EFL1: variants seen among roughly 807,000 people sequenced by gnomAD.
EFL1 encodes the protein elongation factor-like GTPase 1.
EFL1 carries 76 observed loss-of-function variants against 126.7 expected under a neutral mutation model. That is an observed-to-expected ratio of 0.60 (90% CI 0.50 to 0.73). The LOEUF is 0.73. Ranked by LOEUF, EFL1 falls within the 30% of genes least tolerant of loss-of-function variation. The pLI, the probability that EFL1 is intolerant of heterozygous loss-of-function variation, is 0.00. For synonymous variants in EFL1, 410 were observed against 448.4 expected, an observed-to-expected ratio of 0.91 and a Z score of 1.08; for missense variants, 1,128 against 1,343.2, an observed-to-expected ratio of 0.84 and a Z score of 2.50.
At chr15:82,132,236 G>A (rs750557481) in intron 19 of EFL1, among the ~76,000 whole-genome samples, 70 of 152,254 alleles carry the variant, frequency 4.6e-4, no homozygotes, top group Non-Finnish European at 8.2e-4. Context: ...TGCTGAGGCA[G>A]GTACAGAGAA....
At chr15:82,179,845 T>C (rs572478774) in intron 15 of EFL1, among the ~76,000 whole-genome samples, 133 of 149,916 alleles carry the variant, frequency 8.9e-4, no homozygotes, top group Non-Finnish European at 1.7e-3. Flanking sequence ...GACATCAAGG[T>C]GGAGAGGGTG....
Position 82,219,620 on chromosome 15 carries a change from C to T in EFL1, c.1611+32G>A, listed in dbSNP as rs148734650. 107 of 1,577,386 alleles carry T rather than the reference C, an allele frequency of 6.8e-5. No homozygotes were observed. The African/African-American group carries it at 1.1e-3, about 16-fold the overall frequency. Reference sequence around the variant, plus strand: ...GAAAAGATATCAGACCCTCGAGAAACAATATATAAATATTTTACTTTCAAT... The same window carrying T: ...GAAAAGATATCAGACCCTCGAGAAATAATATATAAATATTTTACTTTCAAT... On this transcript the variant is annotated intron_variant, in intron 14 of 19. Transcript: ENST00000268206.
chr15:82,136,849 G>A (rs2073727517), intron 19 of EFL1, among the ~76,000 whole-genome samples: 1 of 152,088 alleles, frequency 6.6e-6, no homozygotes, highest in South Asian at 2.1e-4. Flanking sequence ...TATCGCATCA[G>A]ATATAAGCCA....
intron 4 of EFL1, among the ~76,000 whole-genome samples, chr15:82,250,725 T>C (rs796616210): frequency 3.3e-5 from 5 of 152,266 alleles, no homozygotes; most frequent in Middle Eastern, 3.4e-3. Flanking sequence ...AAACTTTTAC[T>C]GATACGGTCT....
At chr15:82,212,321 C>T (rs2074598950) in intron 15 of EFL1, among the ~76,000 whole-genome samples, 1 of 152,144 alleles carries the variant, frequency 6.6e-6, no homozygotes, top group Admixed American at 6.5e-5. Context: ...TTAAAAGTGG[C>T]TGTTCTATTT....
chr15:82,186,791 ATC>A (rs1172297492), intron 15 of EFL1, among the ~76,000 whole-genome samples: 1 of 151,936 alleles, frequency 6.6e-6, no homozygotes, highest in African/African-American at 2.4e-5. Flanking sequence ...TTGTTCCTGT[ATC>A]TGTTTCTAGT....
At chr15:82,142,077 C>G (rs1033177624) in intron 18 of EFL1, among the ~76,000 whole-genome samples, 1 of 152,208 alleles carries the variant, frequency 6.6e-6, no homozygotes, top group Non-Finnish European at 1.5e-5. Context: ...GTGCCATTGT[C>G]ATCACTGAGA....
intron 3 of EFL1, among the ~76,000 whole-genome samples, chr15:82,257,026 A>T (rs1209922494): frequency 6.6e-6 from 1 of 152,152 alleles, no homozygotes; most frequent in Non-Finnish European, 1.5e-5. Context: ...TATATTTTGA[A>T]ATGGTTTAAG....
At position 82,197,921 on chromosome 15, in the gene EFL1, T is replaced by C. The variant is rs961929653; in HGVS notation, c.1750+16796A>G. On this transcript the variant is annotated intron_variant, in intron 15 of 19. Transcript: ENST00000268206. ...CCTGCCAACCTGCCTGCCTGCCATGTGTAAGACTCTGGGCTAGGCAGGGGG... is the reference window on the plus strand; with the variant it reads ...CCTGCCAACCTGCCTGCCTGCCATGCGTAAGACTCTGGGCTAGGCAGGGGG... Among the ~76,000 whole-genome samples, 5 of 152,170 alleles carry C rather than the reference T, an allele frequency of 3.3e-5. No homozygotes were observed. In the South Asian group the frequency reaches 6.2e-4, roughly 19 times the overall value.
intron 18 of EFL1, among the ~76,000 whole-genome samples, chr15:82,145,949 C>CA (rs903649830): frequency 1.8e-3 from 250 of 136,620 alleles, no homozygotes; most frequent in Middle Eastern, 7.6e-3. Context: ...AAATGAAGAG[C>CA]AAAAAAAAAA....
intron 3 of EFL1, among the ~76,000 whole-genome samples, chr15:82,255,878 A>G (rs1467767631): frequency 6.6e-6 from 1 of 152,170 alleles, no homozygotes; most frequent in Non-Finnish European, 1.5e-5. Context: ...ATGTATTTCC[A>G]TATCTTACTC....
In EFL1 at chr15:82,170,096, C is replaced by T. The variant is rs930099114; in HGVS notation, c.1751-6112G>A. On this transcript the variant is annotated intron_variant, in intron 15 of 19. Coordinates refer to ENST00000268206, the MANE Select transcript of EFL1 (RefSeq NM_024580.6). ...GAGTGATGAGGTGTGGAAATGGCACCACTGGATGTCTTTTTTTTTTTTTTT... is the reference window on the plus strand; with the variant it reads ...GAGTGATGAGGTGTGGAAATGGCACTACTGGATGTCTTTTTTTTTTTTTTT... Among the ~76,000 whole-genome samples the T allele has an allele frequency of 8.1e-5, 12 of 148,802 alleles. No individual in the cohort carries two copies. The South Asian group carries it at 1.1e-3, about 13-fold the overall frequency.
chr15:82,260,285 T>C (rs948617457), intron 2 of EFL1, among the ~76,000 whole-genome samples: 15 of 152,010 alleles, frequency 9.9e-5, no homozygotes, highest in South Asian at 2.1e-4. Flanking sequence ...ATGTGAGCAG[T>C]AAAATTATAA....
At chr15:82,169,409 G>A (rs1381849779) in intron 15 of EFL1, among the ~76,000 whole-genome samples, 2 of 152,046 alleles carry the variant, frequency 1.3e-5, no homozygotes, top group Admixed American at 6.5e-5. Flanking sequence ...GGATCTTACA[G>A]AGAAATTAGA....
At chr15:82,143,687 T>C (rs987716752) in intron 18 of EFL1, among the ~76,000 whole-genome samples, 2 of 152,160 alleles carry the variant, frequency 1.3e-5, no homozygotes, top group Non-Finnish European at 2.9e-5. Flanking sequence ...AGTTTATAGA[T>C]AATTGATGTT....
chr15:82,197,543 T>A (rs1425516325), intron 15 of EFL1, among the ~76,000 whole-genome samples: 1 of 152,214 alleles, frequency 6.6e-6, no homozygotes, highest in Non-Finnish European at 1.5e-5. Flanking sequence ...ATTAGTGATA[T>A]TTTATATTCT....
At position 82,209,435 on chromosome 15, in the gene EFL1, T is replaced by C. The variant is rs138737564; in HGVS notation, c.1750+5282A>G. On this transcript the variant is annotated intron_variant, in intron 15 of 19. Coordinates refer to ENST00000268206, the MANE Select transcript of EFL1 (RefSeq NM_024580.6). ...CAGTTCAGAAAAAGGCTAATTAATA[T>C]TTATTTTCCTCATGCTGTGAAAAGA... Among the ~76,000 whole-genome samples, 7 of 152,220 alleles carry C rather than the reference T, an allele frequency of 4.6e-5. No individual in the cohort carries two copies. In the East Asian group the frequency reaches 1.4e-3, roughly 29 times the overall value.
At chr15:82,167,589 T>C (rs1439233336) in intron 15 of EFL1, among the ~76,000 whole-genome samples, 2 of 152,174 alleles carry the variant, frequency 1.3e-5, no homozygotes, top group Admixed American at 1.3e-4. Flanking sequence ...GAAAACTTTT[T>C]TACTATTCTT....
At chr15:82,245,370 C>T (rs2074962636) in intron 4 of EFL1, among the ~76,000 whole-genome samples, 2 of 152,106 alleles carry the variant, frequency 1.3e-5, no homozygotes, top group Middle Eastern at 3.4e-3. Flanking sequence ...AAACTCCTGT[C>T]CCTAAGTGAT....
Sources: allele counts gnomAD v4.1 joint callset (sites outside exome capture counted in the v4.1 genomes callset), GRCh38; gene constraint gnomAD v4.1.1; transcripts MANE v1.5; gene names NCBI Gene and HGNC (gene_info 2026-07-23, HGNC 2026-07-21).